ATP8A2: variants seen among roughly 807,000 people sequenced by gnomAD.
ATP8A2 encodes the protein phospholipid-transporting ATPase IB.
ATP8A2 carries 100 observed loss-of-function variants against 165.6 expected under a neutral mutation model. The ratio of observed to expected loss-of-function variants is 0.60; its 90% confidence interval spans 0.51 to 0.71. The LOEUF (loss-of-function observed/expected upper bound fraction) is 0.71, where lower values mean the gene tolerates loss of function less well. Ranked by LOEUF, ATP8A2 falls within the 30% of genes least tolerant of loss-of-function variation. The probability of loss-of-function intolerance (pLI) is 0.00; values close to 1 mark genes in which losing one functional copy is unlikely to be tolerated. For synonymous variants in ATP8A2, 543 were observed against 548.8 expected (o/e 0.99, Z 0.15); for missense variants, 1,227 against 1,479.5 (o/e 0.83, Z 2.80).
At chr13:25,842,952 C>T (rs1951779397) in intron 30 of ATP8A2, among the ~76,000 whole-genome samples, 1 of 152,090 alleles carries the variant, frequency 6.6e-6, no homozygotes, top group South Asian at 2.1e-4. Flanking sequence ...CAGGGGACAG[C>T]TTAGGGAGGG....
intron 2 of ATP8A2, among the ~76,000 whole-genome samples, chr13:25,473,027 T>C (rs970564634): frequency 8.5e-5 from 13 of 152,136 alleles, no homozygotes; most frequent in Admixed American, 3.3e-4. Context: ...GGAATGGAAT[T>C]GATGTGACTG....
chr13:25,537,910 T>C, intron 6 of ATP8A2, 78 bp from the exon 7 acceptor site: 1 of 974,936 alleles, frequency 1.0e-6, no homozygotes, highest in Non-Finnish European at 1.6e-6. Flanking sequence ...TTTCTTCAAA[T>C]ATTTAAGCAC....
intron 30 of ATP8A2, among the ~76,000 whole-genome samples, chr13:25,852,327 C>T (rs562886759): frequency 1.3e-5 from 2 of 152,200 alleles, no homozygotes; most frequent in East Asian, 3.9e-4. Context: ...CACAGGTCAG[C>T]CCCCAGACAA....
intron 1 of ATP8A2, among the ~76,000 whole-genome samples, chr13:25,377,058 C>T (rs992952089): frequency 6.6e-6 from 1 of 152,192 alleles, no homozygotes; most frequent in Non-Finnish European, 1.5e-5. Context: ...TTTACATTTA[C>T]AACGGATGTG....
At chr13:25,702,803 C>G (rs548307569) in intron 25 of ATP8A2, among the ~76,000 whole-genome samples, 1 of 152,276 alleles carries the variant, frequency 6.6e-6, no homozygotes, top group East Asian at 1.9e-4. Context: ...ATCCTTTCAG[C>G]ATCTGGTGTT....
At chr13:25,460,690 G>A (rs74789690) in intron 1 of ATP8A2, among the ~76,000 whole-genome samples, 1,765 of 152,264 alleles carry the variant, frequency 0.012, 39 homozygotes, top group African/African-American at 0.04. Context: ...AAATTACAGT[G>A]GCTCAACTTT....
intron 33 of ATP8A2, among the ~76,000 whole-genome samples, chr13:25,927,592 C>T (rs78130170): frequency 0.016 from 2,384 of 152,344 alleles, 30 homozygotes; most frequent in South Asian, 0.031. Context: ...CCTGAATATT[C>T]ATACGGTCTT....
At chr13:25,912,732 C>T (rs1954154955) in intron 33 of ATP8A2, among the ~76,000 whole-genome samples, 1 of 152,096 alleles carries the variant, frequency 6.6e-6, no homozygotes, top group African/African-American at 2.4e-5. Flanking sequence ...GTATGCACTA[C>T]AGAGTAGTCT....
At chr13:25,844,956 T>A (rs1450109536) in intron 30 of ATP8A2, among the ~76,000 whole-genome samples, 2 of 152,246 alleles carry the variant, frequency 1.3e-5, no homozygotes, top group Non-Finnish European at 2.9e-5. Context: ...AGGTATATCG[T>A]TCATTCCCTA....
intron 24 of ATP8A2, among the ~76,000 whole-genome samples, chr13:25,681,808 A>G (rs1010058169): frequency 5.9e-5 from 9 of 152,308 alleles, no homozygotes; most frequent in African/African-American, 2.2e-4. Flanking sequence ...ATCATCTTAG[A>G]TGTTGTTGGG....
At chr13:25,468,186 C>A (rs1452097608) in intron 1 of ATP8A2, among the ~76,000 whole-genome samples, 1 of 152,130 alleles carries the variant, frequency 6.6e-6, no homozygotes, top group African/African-American at 2.4e-5. Context: ...TTTGGGTCCA[C>A]CCAAAAAGGC....
At chr13:25,843,931 A>T (rs1951802697) in intron 30 of ATP8A2, among the ~76,000 whole-genome samples, 1 of 152,164 alleles carries the variant, frequency 6.6e-6, no homozygotes, top group Non-Finnish European at 1.5e-5. Flanking sequence ...TTCTCAGGGC[A>T]GGGTTGGAGG....
chr13:25,492,588 C>A (rs547098147), intron 2 of ATP8A2, among the ~76,000 whole-genome samples: 1 of 152,282 alleles, frequency 6.6e-6, no homozygotes, highest in African/African-American at 2.4e-5. Flanking sequence ...CCTTTGAGTG[C>A]AGCTCCTCCC....
At chr13:25,594,984 G>GTGTATATATATATA (rs150738527) in intron 24 of ATP8A2, among the ~76,000 whole-genome samples, 26 of 142,818 alleles carry the variant, frequency 1.8e-4, no homozygotes, top group Non-Finnish European at 2.6e-4. Context: ...GTGTGTGTGT[G>GTGTATATATATATA]TATATATATA....
intron 27 of ATP8A2, among the ~76,000 whole-genome samples, chr13:25,803,760 G>T (rs561011176): frequency 2.0e-5 from 3 of 152,180 alleles, no homozygotes; most frequent in Admixed American, 2.0e-4. Context: ...CCTGTTTGTT[G>T]TTAATACGTT....
intron 24 of ATP8A2, among the ~76,000 whole-genome samples, chr13:25,647,238 G>A (rs1434998719): frequency 2.6e-5 from 4 of 152,206 alleles, no homozygotes; most frequent in South Asian, 2.1e-4. Flanking sequence ...ACAGCCTTTT[G>A]TTTCAGCTTA....
chr13:25,553,634 G>A (rs545365972), intron 11 of ATP8A2, among the ~76,000 whole-genome samples, 159 bp from the exon 12 acceptor site: 3 of 152,182 alleles, frequency 2.0e-5, no homozygotes, highest in Non-Finnish European at 4.4e-5. Flanking sequence ...CTGTGCAGTC[G>A]CATTGTGGGG....
chr13:25,554,123 G>A (rs374300507), intron 12 of ATP8A2, among the ~76,000 whole-genome samples: 1 of 152,140 alleles, frequency 6.6e-6, no homozygotes, highest in Non-Finnish European at 1.5e-5. Flanking sequence ...TATTCAAGGC[G>A]TTGTTGTGAG....
intron 26 of ATP8A2, among the ~76,000 whole-genome samples, chr13:25,772,546 G>A (rs1486593689): frequency 1.3e-5 from 2 of 151,930 alleles, no homozygotes; most frequent in African/African-American, 4.8e-5. Flanking sequence ...TTCCGAATGC[G>A]TGGTGAGCCC....
Sources: allele counts gnomAD v4.1 joint callset (sites outside exome capture counted in the v4.1 genomes callset), GRCh38; gene constraint gnomAD v4.1.1; transcripts MANE v1.5; gene names NCBI Gene and HGNC (gene_info 2026-07-23, HGNC 2026-07-21).